KANK1: variants seen among roughly 807,000 people sequenced by gnomAD.
KANK1 encodes the protein KN motif and ankyrin repeat domain-containing protein 1.
KANK1 carries 109 observed loss-of-function variants against 106.2 expected under a neutral mutation model. That is an observed-to-expected ratio of 1.03 (90% CI 0.88 to 1.20). KANK1 has a LOEUF of 1.20. KANK1 is among the 50% of genes most tolerant of loss of function. The pLI is 0.00. For missense variants in KANK1, 2,399 were observed against 1,710.7 expected, an observed-to-expected ratio of 1.40 and a Z score of -7.10; for synonymous variants, 873 against 652.2, an observed-to-expected ratio of 1.34 and a Z score of -5.16.
intron 1 of KANK1, among the ~76,000 whole-genome samples, chr9:518,382 C>T (rs1409071111): frequency 6.6e-6 from 1 of 151,604 alleles, no homozygotes; most frequent in Non-Finnish European, 1.5e-5. Context: ...TCCCCTTCTC[C>T]CTCCTTGACC....
intron 1 of KANK1, among the ~76,000 whole-genome samples, chr9:514,626 T>G (rs899950982): frequency 6.6e-6 from 1 of 151,628 alleles, no homozygotes; most frequent in Non-Finnish European, 1.5e-5. Flanking sequence ...ATGTTGTATG[T>G]GGTTATGGGT....
At position 706,883 on chromosome 9, in the gene KANK1, G is replaced by C. The variant is rs1824368169; in HGVS notation, c.38-3921G>C. 9 of 985,438 alleles carry C rather than the reference G, an allele frequency of 9.1e-6. No homozygotes were observed. In the South Asian group the frequency reaches 4.2e-4, roughly 46 times the overall value. The allele number at this position is 985,438 out of a possible 1,614,324, so 61.0% of individuals were successfully genotyped here. On this transcript the variant is annotated intron_variant, in intron 2 of 11. Transcript: ENST00000382297. The stretch of plus-strand genomic sequence containing the variant: ...AGACTCTTTCATGAAGCAGTGACTA[G>C]TATAGGAAAAACAGAGCCTCTCTGT...
intron 3 of KANK1, among the ~76,000 whole-genome samples, chr9:487,258 C>T (rs112262562): frequency 6.6e-6 from 1 of 152,178 alleles, no homozygotes; most frequent in Admixed American, 6.5e-5. Context: ...CAGTAGAAAC[C>T]ACACTGCAAG....
chr9:664,749 G>C (rs1420847481), intron 1 of KANK1, among the ~76,000 whole-genome samples: 1 of 152,096 alleles, frequency 6.6e-6, no homozygotes, highest in Non-Finnish European at 1.5e-5. Context: ...AGGAACCTCT[G>C]AAGTGTTTTC....
At chr9:479,593 G>A (rs1468820469) in intron 3 of KANK1, among the ~76,000 whole-genome samples, 2 of 152,264 alleles carry the variant, frequency 1.3e-5, no homozygotes, top group Non-Finnish European at 2.9e-5. Context: ...TCTTGATTCA[G>A]ATTGGTGGAT....
At chr9:736,542 T>C (rs908666680) in intron 7 of KANK1, among the ~76,000 whole-genome samples, 4 of 151,968 alleles carry the variant, frequency 2.6e-5, no homozygotes, top group African/African-American at 9.7e-5. Flanking sequence ...ACCCTGTCTC[T>C]ACAAAAATTA....
At chr9:528,393 C>A (rs553082823) in intron 1 of KANK1, among the ~76,000 whole-genome samples, 1 of 148,892 alleles carries the variant, frequency 6.7e-6, no homozygotes. Context: ...TTTTCTATGT[C>A]TTGGTCTTTT....
At position 492,312 on chromosome 9, in the gene KANK1, G is replaced by C. The variant is rs1445259459; in HGVS notation, c.-362+19039G>C. The stretch of plus-strand genomic sequence containing the variant: ...TTAACTTGCAAAGCATCGATAGTTA[G>C]AGATTTATTTCACAAAACTGACTAG... On this transcript the variant is annotated intron_variant, in intron 3 of 15. Transcript: ENST00000382303. 3.3e-5 allele frequency: 5 copies of C among 152,324 alleles called. No homozygotes were observed. The South Asian group carries it at 1.0e-3, about 32-fold the overall frequency. 9.4% of individuals were successfully genotyped at this position (152,324 alleles called of 1,614,324 possible). A position where few individuals can be genotyped will look rare whatever the true frequency, so the allele number is the denominator to read the frequency against.
chr9:724,655 A>G (rs1399455929), intron 3 of KANK1, among the ~76,000 whole-genome samples: 1 of 152,156 alleles, frequency 6.6e-6, no homozygotes. Context: ...TACAAAAAAC[A>G]GCTGGGCGTG....
In KANK1 at chr9:571,663, A is replaced by G. The variant is rs189076075; in HGVS notation, c.-84+66909A>G. Reference sequence around the variant, plus strand: ...ACTTTTTAATCTCATATAAATTTACATTTAGAGACTTAACAGTTTGGCTTT... The same window carrying G: ...ACTTTTTAATCTCATATAAATTTACGTTTAGAGACTTAACAGTTTGGCTTT... On this transcript the variant is annotated intron_variant, in intron 1 of 11. Coordinates refer to ENST00000382297, the MANE Select transcript of KANK1 (RefSeq NM_015158.5). Among the ~76,000 whole-genome samples the G allele has an allele frequency of 4.0e-3, 610 of 152,306 alleles. 2 individuals are homozygous for G. The highest frequency in any genetic ancestry group is 0.013 in the African/African-American group (543 of 41,560).
chr9:625,061 C>T (rs1834026996), intron 1 of KANK1, among the ~76,000 whole-genome samples: 1 of 152,038 alleles, frequency 6.6e-6, no homozygotes, highest in African/African-American at 2.4e-5. Flanking sequence ...GCCCTGGGGT[C>T]TGAAAGGTGC....
chr9:646,673 C>T (rs1048119053), intron 1 of KANK1, among the ~76,000 whole-genome samples: 6 of 149,226 alleles, frequency 4.0e-5, no homozygotes, highest in Admixed American at 3.3e-4. Context: ...TTCGCCTGAT[C>T]ATTTTTGTTT....
intron 1 of KANK1, among the ~76,000 whole-genome samples, chr9:558,515 C>T (rs2134301516): frequency 6.6e-6 from 1 of 152,282 alleles, no homozygotes; most frequent in Middle Eastern, 3.4e-3. Flanking sequence ...GATTCATTAA[C>T]ATTGACCTCA....
chr9:728,562 A>G (rs936635587), intron 3 of KANK1, among the ~76,000 whole-genome samples: 1 of 152,228 alleles, frequency 6.6e-6, no homozygotes, highest in African/African-American at 2.4e-5. Context: ...TACATTATGT[A>G]GTGAATCCCC....
At chr9:604,838 G>A (rs887131446) in intron 1 of KANK1, among the ~76,000 whole-genome samples, 4 of 151,584 alleles carry the variant, frequency 2.6e-5, no homozygotes, top group African/African-American at 9.8e-5. Context: ...AAAAAATAAT[G>A]ATAATAGTAA....
At chr9:701,969 G>A (rs1191858599) in intron 2 of KANK1, among the ~76,000 whole-genome samples, 2 of 152,140 alleles carry the variant, frequency 1.3e-5, no homozygotes, top group African/African-American at 4.8e-5. Context: ...TGTTCTTGAG[G>A]CAGTAAATTG....
chr9:693,789 A>G (rs773666160), intron 2 of KANK1: 20 of 985,358 alleles, frequency 2.0e-5, no homozygotes, highest in Non-Finnish European at 2.4e-5. Flanking sequence ...CTGGGTGGGT[A>G]AGTAAGAATG....
chr9:734,431 C>T (rs1025958892), intron 6 of KANK1: 12 of 245,068 alleles, frequency 4.9e-5, no homozygotes, highest in African/African-American at 2.0e-4. Context: ...TGTGGGAGGC[C>T]GAGGCAGGTG....
intron 1 of KANK1, among the ~76,000 whole-genome samples, chr9:624,066 C>T (rs998430318): frequency 7.9e-5 from 12 of 152,120 alleles, no homozygotes; most frequent in African/African-American, 2.9e-4. Flanking sequence ...TAAGGAAAGC[C>T]TGCCATTTGC....
Sources: allele counts gnomAD v4.1 joint callset (sites outside exome capture counted in the v4.1 genomes callset), GRCh38; gene constraint gnomAD v4.1.1; transcripts MANE v1.5; gene names NCBI Gene and HGNC (gene_info 2026-07-23, HGNC 2026-07-21).